ZDHHC8: variants seen among roughly 807,000 people sequenced by gnomAD.
The protein encoded by ZDHHC8 is palmitoyltransferase ZDHHC8.
Under a neutral mutation model 61.2 loss-of-function variants are expected in ZDHHC8, and 24 were observed. The ratio of observed to expected loss-of-function variants is 0.39; its 90% CI spans 0.28 to 0.55. The LOEUF is 0.55. Ranked by LOEUF, ZDHHC8 falls within the 20% of genes least tolerant of loss-of-function variation. The pLI is 0.60. For synonymous variants in ZDHHC8, 523 were observed against 492.5 expected (o/e 1.06, Z -0.82); for missense variants, 935 against 1,102.1 (o/e 0.85, Z 2.15).
In ZDHHC8 at chr22:20,145,972, T is replaced by C. The variant is rs921121053; in HGVS notation, c.*572T>C. The C allele has an allele frequency of 1.3e-5, 13 of 985,736 alleles. No homozygotes were observed. Among genetic ancestry groups the C allele is most frequent in the Non-Finnish European group, 1.6e-5 (13 of 830,012 alleles). 61.1% of individuals were successfully genotyped at this position (985,736 alleles called of 1,614,324 possible). A position where few individuals can be genotyped will look rare whatever the true frequency, so the allele number is the denominator to read the frequency against. On this transcript the variant is annotated 3_prime_UTR_variant, in exon 11 of 11. Transcript: ENST00000334554. ...CTGGCCTGCTCTGGGTGGTGGTGGA[T>C]AGGTGGACAGACGGCCAGCCAGCCA... is the stretch of plus-strand genomic sequence containing the variant.
intron 1 of ZDHHC8, among the ~76,000 whole-genome samples, chr22:20,136,050 G>A (rs889966896): frequency 1.3e-5 from 2 of 152,270 alleles, no homozygotes; most frequent in Non-Finnish European, 2.9e-5. Flanking sequence ...GGGGCCTATG[G>A]TGGTGGTGCA....
intron 1 of ZDHHC8, 33 bp from the exon 2 acceptor site, chr22:20,139,161 G>A: frequency 6.2e-7 from 1 of 1,604,132 alleles, no homozygotes; most frequent in South Asian, 1.1e-5. Flanking sequence ...TGCACCCCCA[G>A]ACTCCACTCT....
chr22:20,137,773 A>C (rs1304643987), intron 1 of ZDHHC8, among the ~76,000 whole-genome samples: 3 of 152,080 alleles, frequency 2.0e-5, no homozygotes, highest in African/African-American at 7.2e-5. Context: ...GTTGCATTGG[A>C]GGCCAGGCAC....
chr22:20,144,581 G>C (rs1443361121), intron 10 of ZDHHC8, among the ~76,000 whole-genome samples: 1 of 152,250 alleles, frequency 6.6e-6, no homozygotes, highest in Non-Finnish European at 1.5e-5. Context: ...AAGGGGCTGA[G>C]GGCACAGCAG....
At position 20,142,841 on chromosome 22, in the gene ZDHHC8, A is replaced by G; in HGVS notation, c.1211A>G (p.Asp404Gly). 6.2e-7 allele frequency: 1 copy of G among 1,612,650 alleles called. No individual in the cohort carries two copies. Among genetic ancestry groups the G allele is most frequent in the Non-Finnish European group, 8.5e-7 (1 of 1,179,924 alleles). The change falls in exon 10 of 11, where the codon GAC becomes GGC. Residue 404 changes from aspartate to glycine, a missense_variant. Asp to Gly is a moderately conservative substitution (Grantham distance 94). Transcript: ENST00000334554. ...TCCGAGCCGAGCCTGGACCTCCCTG[A>G]CTATGGGCCAGGGGGCCTGCATGCA... The part of the protein sequence containing the change: ...FVSEPSLDLP[D>G]YGPGGLHAAY...
chr22:20,145,136 C>T (rs569540863), intron 10 of ZDHHC8, 93 bp from the exon 11 acceptor site: 31 of 1,198,404 alleles, frequency 2.6e-5, no homozygotes, highest in South Asian at 1.4e-4. Context: ...AGTCCACGTC[C>T]GCGTCGTCTC....
chr22:20,135,682 C>T (rs527908365), intron 1 of ZDHHC8, among the ~76,000 whole-genome samples: 1 of 152,326 alleles, frequency 6.6e-6, no homozygotes, highest in Admixed American at 6.5e-5. Flanking sequence ...CAGTGTGAGC[C>T]CCCCTGCTGG....
rs745766314 is a variant in ZDHHC8, at chr22:20,143,739, C to G, written c.2109C>G (p.Pro703=). ...FIHTDLPEPP[P]SLTVQRDHPQ... is the part of the protein sequence containing the mutation. ...ACACGGACCTCCCAGAGCCACCGCC[C>G]TCGCTGACCGTGCAGAGGTGGGTGC... Residue 703 remains proline (P), a synonymous_variant, in exon 10 of 11, where the codon CCC becomes CCG. Coordinates refer to ENST00000334554, the MANE Select transcript of ZDHHC8 (RefSeq NM_013373.4). The G allele has an allele frequency of 9.3e-6, 15 of 1,608,794 alleles. No individual in the cohort carries two copies. In the South Asian group the frequency reaches 1.4e-4, roughly 15 times the overall value.
intron 1 of ZDHHC8, among the ~76,000 whole-genome samples, chr22:20,135,762 A>T (rs1402976773): frequency 6.6e-6 from 1 of 152,176 alleles, no homozygotes; most frequent in Non-Finnish European, 1.5e-5. Flanking sequence ...CCAGGTGTCT[A>T]TAGGGATTGG....
rs755386076 is a variant in ZDHHC8 at position 20,143,775 on chromosome 22, G to A, written c.2126+19G>A. ...TGCAGAGGTGGGTGCCGGGAGGTGC[G>A]GGTGGGCTTCCTGGCACAGGGCAGC... On this transcript the variant is annotated intron_variant, in intron 10 of 10. Transcript: ENST00000334554. 57 of 1,592,694 alleles carry A rather than the reference G, an allele frequency of 3.6e-5. No individual in the cohort carries two copies. The highest frequency in any genetic ancestry group is 4.4e-5 in the Non-Finnish European group (52 of 1,174,702).
intron 6 of ZDHHC8, 41 bp downstream of exon 6, chr22:20,140,749 G>A: frequency 6.3e-7 from 1 of 1,599,420 alleles, no homozygotes; most frequent in Non-Finnish European, 8.5e-7. Flanking sequence ...GGCCTCTGCT[G>A]GGTGTGGGGC....
chr22:20,143,427 T>G lies in ZDHHC8; in HGVS notation c.1797T>G (p.Gly599=). 6.3e-7 allele frequency: 1 copy of G among 1,598,420 alleles called. No homozygotes were observed. Among genetic ancestry groups the G allele is most frequent in the Non-Finnish European group, 8.5e-7 (1 of 1,177,962 alleles). The part of the protein sequence containing the change: ...QASVLSEGPR[G]PALRYGSRDD... ...GTGTGCTGTCCGAGGGCCCCCGAGG[T>G]CCCGCGCTGCGCTATGGCTCCAGAG... is the stretch of plus-strand genomic sequence containing the variant. Residue 599 remains glycine (G), a synonymous_variant, in exon 10 of 11, where the codon GGT becomes GGG. Transcript: ENST00000334554.
intron 9 of ZDHHC8, 45 bp downstream of exon 9, chr22:20,141,575 C>A: frequency 6.5e-7 from 1 of 1,529,012 alleles, no homozygotes; most frequent in Non-Finnish European, 8.9e-7. Flanking sequence ...GTCCCCCAGG[C>A]CCGCCTCTAG....
chr22:20,131,989 C>A lies in ZDHHC8; in HGVS notation c.42C>A (p.Tyr14Ter). ...GGACGCGCCTCAAACCCGCCAAGTA[C>A]ATCCCGGTGGCCACGGCCGCCGCGC... ...SPGTRLKPAK[Y>*]IPVATAAALL... The change falls in exon 1 of 11, where the codon TAC becomes TAA. Residue 14 changes from tyrosine to a stop codon, truncating the protein, a stop_gained. Transcript: ENST00000334554. LOFTEE classifies it high-confidence loss of function. The A allele has an allele frequency of 7.3e-7, 1 of 1,374,582 alleles. No homozygotes were observed. Among genetic ancestry groups the A allele is most frequent in the African/African-American group, 1.5e-5 (1 of 66,108 alleles). The allele number at this position is 1,374,582 out of a possible 1,614,324, so 85.1% of individuals were successfully genotyped here.
At chr22:20,141,110 G>C in intron 7 of ZDHHC8, 98 bp downstream of exon 7, 1 of 1,591,868 alleles carries the variant, frequency 6.3e-7, no homozygotes, top group Non-Finnish European at 8.5e-7. Flanking sequence ...GGGGCAGACA[G>C]AGCCGTAGAC....
intron 4 of ZDHHC8, 83 bp from the exon 5 acceptor site, chr22:20,140,032 G>A: frequency 6.3e-7 from 1 of 1,593,826 alleles, no homozygotes; most frequent in African/African-American, 1.3e-5. Context: ...GTTGGGAGGA[G>A]GTTTGTCCAC....
intron 5 of ZDHHC8, 143 bp from the exon 6 acceptor site, chr22:20,140,474 A>T: frequency 2.1e-6 from 2 of 934,862 alleles, no homozygotes; most frequent in Non-Finnish European, 3.1e-6. Context: ...AACCTATGTG[A>T]GGGGCAGCCC....
At chr22:20,133,732 A>G (rs1407422867) in intron 1 of ZDHHC8, among the ~76,000 whole-genome samples, 2 of 151,994 alleles carry the variant, frequency 1.3e-5, no homozygotes, top group Non-Finnish European at 2.9e-5. Context: ...AAAAAAAAAA[A>G]AAAAAAAAGT....
At chr22:20,133,557 C>T (rs175170) in intron 1 of ZDHHC8, among the ~76,000 whole-genome samples, 7,137 of 152,086 alleles carry the variant, frequency 0.047, 239 homozygotes, top group East Asian at 0.09. Context: ...GGCGAAACCC[C>T]GTCTCTACTA....
Sources: gnomAD v4.1 joint callset for allele counts (sites outside exome capture counted in the v4.1 genomes callset) on GRCh38, gnomAD v4.1.1 for gene constraint, MANE v1.5 for transcripts, NCBI Gene and HGNC (gene_info 2026-07-23, HGNC 2026-07-21) for gene names.